Variants in RWDD1 observed in about 807,000 individuals in gnomAD.
The protein encoded by RWDD1 is RWD domain-containing protein 1.
A neutral mutation model predicts 31.6 loss-of-function variants in RWDD1; 17 were observed. That is an observed-to-expected ratio of 0.54 (90% CI 0.37 to 0.81). RWDD1 has a LOEUF of 0.81. Among genes scored for constraint, RWDD1 ranks in the 30% least tolerant of loss-of-function variants. The pLI is 0.00. For missense variants in RWDD1, 204 were observed against 274.5 expected, an observed-to-expected ratio of 0.74 and a Z score of 1.82; for synonymous variants, 78 against 94.2, an observed-to-expected ratio of 0.83 and a Z score of 0.99.
intron 1 of RWDD1, among the ~76,000 whole-genome samples, chr6:116,577,633 TATC>T (rs199828460): frequency 0.019 from 2,923 of 152,164 alleles, 48 homozygotes; most frequent in Non-Finnish European, 0.029. Flanking sequence ...CAACTTAAAA[TATC>T]ATCATCACCA....
At chr6:116,578,507 AG>A (rs1554244985) in intron 1 of RWDD1, among the ~76,000 whole-genome samples, 1 of 151,782 alleles carries the variant, frequency 6.6e-6, no homozygotes, top group Non-Finnish European at 1.5e-5. Context: ...AGGGAGTCAT[AG>A]AAAGTGGTAA....
At chr6:116,587,646 TTCTCTCTGTGAC>T (rs1246758908) in intron 3 of RWDD1, among the ~76,000 whole-genome samples, 1 of 151,374 alleles carries the variant, frequency 6.6e-6, no homozygotes, top group Non-Finnish European at 1.5e-5. Context: ...AATTGATTAG[TTCTCTCTGTGAC>T]TCTCTCTGTG....
intron 5 of RWDD1, among the ~76,000 whole-genome samples, 158 bp downstream of exon 5, chr6:116,590,562 C>T (rs560170836): frequency 4.7e-4 from 71 of 152,248 alleles, no homozygotes; most frequent in Admixed American, 2.7e-3. Flanking sequence ...TTTCTCCACT[C>T]ATAATTTGTA....
Position 116,575,368 on chromosome 6 carries a change from G to A in RWDD1, c.73+3713G>A, listed in dbSNP as rs564893041. Among the ~76,000 whole-genome samples, 6 of 152,280 alleles carry A rather than the reference G, an allele frequency of 3.9e-5. No individual in the cohort carries two copies. In the South Asian group the frequency reaches 1.2e-3, roughly 32 times the overall value. On this transcript the variant is annotated intron_variant, in intron 1 of 6. Transcript: ENST00000466444. ...CCCAAAGTGCTAGGATTATAAGCGT[G>A]AGTCACCATGCCTGGCCCTCAAAAG... is the stretch of plus-strand genomic sequence containing the variant.
chr6:116,582,708 C>A (rs544925002), intron 2 of RWDD1, among the ~76,000 whole-genome samples: 2 of 151,790 alleles, frequency 1.3e-5, no homozygotes, highest in Non-Finnish European at 2.9e-5. Flanking sequence ...CTAGCTGTTT[C>A]GTTAGACCTT....
intron 1 of RWDD1, among the ~76,000 whole-genome samples, chr6:116,579,099 C>T (rs542583775): frequency 1.3e-5 from 2 of 152,342 alleles, no homozygotes; most frequent in East Asian, 1.9e-4. Context: ...TGGTCTCGAA[C>T]TCCTGGCTTC....
chr6:116,582,814 A>G (rs1015110159), intron 2 of RWDD1, among the ~76,000 whole-genome samples: 1 of 151,288 alleles, frequency 6.6e-6, no homozygotes, highest in Non-Finnish European at 1.5e-5. Context: ...TTCTTTTTCT[A>G]GTTCCTTGAG....
chr6:116,585,840 G>T (rs565590017), intron 3 of RWDD1, among the ~76,000 whole-genome samples: 1 of 152,004 alleles, frequency 6.6e-6, no homozygotes, highest in Non-Finnish European at 1.5e-5. Context: ...TGTCACCCAG[G>T]CTGGAGGGCA....
In RWDD1 at chr6:116,584,342, G is replaced by A. The variant is rs549230231; in HGVS notation, c.140-385G>A. ...GAGGGCTATAGCCAGATCTTCTGCA[G>A]GTAGGAACTGGCTCTGGTAGAGGCT... is the stretch of plus-strand genomic sequence containing the variant. On this transcript the variant is annotated intron_variant, in intron 2 of 6. Coordinates refer to ENST00000466444, the MANE Select transcript of RWDD1 (RefSeq NM_015952.4). 1.1e-3 allele frequency among the ~76,000 whole-genome samples: 164 copies of A among 152,324 alleles called. 1 individual carries two copies. The highest frequency in any genetic ancestry group is 3.8e-3 in the African/African-American group (156 of 41,582).
chr6:116,581,033 A>G lies in RWDD1; in HGVS notation c.139+673A>G, dbSNP rs112805611. 3.3e-3 allele frequency among the ~76,000 whole-genome samples: 508 copies of G among 152,206 alleles called. 4 individuals carry two copies. The highest frequency in any genetic ancestry group is 0.012 in the African/African-American group (491 of 41,548). On this transcript the variant is annotated intron_variant, in intron 2 of 6. Coordinates refer to ENST00000466444, the MANE Select transcript of RWDD1 (RefSeq NM_015952.4). ...AGTAAACCTAAATTCTGCCAGGAGC[A>G]GTCATTAATAGCCAACTTTTATGGT...
chr6:116,584,817 A>T lies in RWDD1; in HGVS notation c.230A>T (p.Asp77Val). The change falls in exon 3 of 7, where the codon GAT becomes GTT. Residue 77 changes from aspartate (D) to valine (V), a missense_variant. By Grantham distance (152) the Asp-to-Val change is radical. Coordinates refer to ENST00000466444, the MANE Select transcript of RWDD1 (RefSeq NM_015952.4). ...ATATTCTCCCAGGAAAATCTAGAAGATAATGATGTCTCAGACATTTTAAAA... is the reference window on the plus strand; with the variant it reads ...ATATTCTCCCAGGAAAATCTAGAAGTTAATGATGTCTCAGACATTTTAAAA... The part of the protein sequence containing the change: ...YEIFSQENLE[D>V]NDVSDILKLL... 6.3e-7 allele frequency: 1 copy of T among 1,596,584 alleles called. No homozygotes were observed. The highest frequency in any genetic ancestry group is 8.6e-7 in the Non-Finnish European group (1 of 1,164,232).
chr6:116,578,749 T>C (rs1467571588), intron 1 of RWDD1, among the ~76,000 whole-genome samples: 6 of 152,226 alleles, frequency 3.9e-5, no homozygotes, highest in Non-Finnish European at 8.8e-5. Context: ...ACCCAAAACC[T>C]ATTAAAATAT....
At chr6:116,573,715 C>T (rs1452287303) in intron 1 of RWDD1, among the ~76,000 whole-genome samples, 6 of 151,964 alleles carry the variant, frequency 3.9e-5, no homozygotes, top group African/African-American at 9.7e-5. Context: ...TTGCTTGTGT[C>T]GGTTGGCCAA....
intron 2 of RWDD1, 27 bp from the exon 3 acceptor site, chr6:116,584,700 A>C: frequency 6.3e-7 from 1 of 1,598,088 alleles, no homozygotes; most frequent in Admixed American, 1.7e-5. Flanking sequence ...TAAGGTATTC[A>C]CATCAAACTC....
In RWDD1 at chr6:116,593,187, C is replaced by G; in HGVS notation, c.*86C>G. ...GGTTATGATTTTCCTTTCTTTTTTT[C>G]TAAGAAAAAATTATTTTCAGGAGAA... On this transcript the variant is annotated 3_prime_UTR_variant, in exon 7 of 7. Coordinates refer to ENST00000466444, the MANE Select transcript of RWDD1 (RefSeq NM_015952.4). 1 of 1,313,384 alleles carries G rather than the reference C, an allele frequency of 7.6e-7. No homozygotes were observed. Among genetic ancestry groups the G allele is most frequent in the East Asian group, 2.6e-5 (1 of 38,992 alleles). The allele number at this position is 1,313,384 out of a possible 1,614,324, so 81.4% of individuals were successfully genotyped here. A position where few individuals can be genotyped will look rare whatever the true frequency, so the allele number is the denominator to read the frequency against.
intron 1 of RWDD1, among the ~76,000 whole-genome samples, chr6:116,576,597 C>A (rs1348534553): frequency 1.3e-5 from 2 of 152,202 alleles, no homozygotes; most frequent in African/African-American, 2.4e-5. Context: ...TGCTGACATT[C>A]CCATATCTTT....
At chr6:116,589,046 TG>T in intron 4 of RWDD1, 61 bp downstream of exon 4, 2 of 1,177,152 alleles carry the variant, frequency 1.7e-6, no homozygotes, top group East Asian at 3.5e-5. Flanking sequence ...GTTGCTTGGT[TG>T]GGTTTTTTTT....
intron 3 of RWDD1, among the ~76,000 whole-genome samples, chr6:116,587,583 G>A (rs1465640973): frequency 1.3e-5 from 2 of 152,074 alleles, no homozygotes; most frequent in African/African-American, 4.8e-5. Context: ...AAGCTATGAA[G>A]GGGTTTTAAG....
intron 4 of RWDD1, 60 bp downstream of exon 4, chr6:116,589,045 T>C: frequency 1.7e-6 from 2 of 1,177,520 alleles, no homozygotes; most frequent in Non-Finnish European, 2.1e-6. Context: ...AGTTGCTTGG[T>C]TGGGTTTTTT....
Sources: allele counts gnomAD v4.1 joint callset (sites outside exome capture counted in the v4.1 genomes callset), GRCh38; gene constraint gnomAD v4.1.1; transcripts MANE v1.5; gene names NCBI Gene and HGNC (gene_info 2026-07-23, HGNC 2026-07-21).